The following RAB2A variants were observed in gnomAD, a reference collection of about 807,000 sequenced individuals.
RAB2A encodes RAB2A, member RAS oncogene family, also known as ras-related protein Rab-2A.
A neutral mutation model predicts 32.5 loss-of-function variants in RAB2A; 7 were observed. The ratio of observed to expected loss-of-function variants is 0.22; its 90% CI spans 0.12 to 0.40. The LOEUF (loss-of-function observed/expected upper bound fraction) is 0.40. Ranked by LOEUF, RAB2A falls within the 10% of genes least tolerant of loss-of-function variation. RAB2A has a pLI of 1.00. For synonymous variants in RAB2A, 79 were observed against 85.2 expected (o/e 0.93, Z 0.40); for missense variants, 108 against 260.7 (o/e 0.41, Z 4.03).
At chr8:60,558,621 A>G (rs973934120) in intron 1 of RAB2A, 2 of 556,236 alleles carry the variant, frequency 3.6e-6, no homozygotes, top group South Asian at 1.8e-5. Context: ...TATCTTTCAC[A>G]TTGAAATATT....
intron 1 of RAB2A, 37 bp downstream of exon 1, chr8:60,517,290 G>A (rs982865480): frequency 4.6e-5 from 67 of 1,471,580 alleles, no homozygotes; most frequent in Non-Finnish European, 5.6e-5. Context: ...GGTGTCGGCG[G>A]CCTCCGGACC....
intron 6 of RAB2A, among the ~76,000 whole-genome samples, chr8:60,617,331 C>T (rs1014227403): frequency 3.3e-5 from 5 of 152,072 alleles, no homozygotes; most frequent in African/African-American, 7.2e-5. Flanking sequence ...CTCTCTTTAT[C>T]GTAAGCGTCC....
rs553351295 is a variant in RAB2A, at chr8:60,569,716, T to C, written c.119-2330T>C. ...TTCATGGAGACTGGGTCTCCCTACG[T>C]TGTCCAGGCTAGTTTCAAATTCCTA... is the stretch of plus-strand genomic sequence containing the variant. On this transcript the variant is annotated intron_variant, in intron 2 of 7. Transcript: ENST00000262646. Among the ~76,000 whole-genome samples, 9 of 152,268 alleles carry C rather than the reference T, an allele frequency of 5.9e-5. No homozygotes were observed. In the East Asian group the frequency reaches 1.7e-3, roughly 29 times the overall value.
intron 1 of RAB2A, among the ~76,000 whole-genome samples, chr8:60,517,516 A>C (rs1397335498): frequency 2.0e-5 from 3 of 152,156 alleles, no homozygotes; most frequent in African/African-American, 7.2e-5. Flanking sequence ...CGATTCAGGA[A>C]GTGTGTGACA....
intron 1 of RAB2A, among the ~76,000 whole-genome samples, chr8:60,533,890 A>G (rs1807517699): frequency 6.6e-6 from 1 of 152,086 alleles, no homozygotes. Flanking sequence ...GAATCGCTTG[A>G]AGGCGGAGGT....
rs141368391 is a variant in RAB2A at position 60,601,399 on chromosome 8, A to G, written c.474+9430A>G. 7.2e-5 allele frequency among the ~76,000 whole-genome samples: 11 copies of G among 151,848 alleles called. No individual in the cohort carries two copies. In the East Asian group the frequency reaches 2.1e-3, roughly 29 times the overall value. On this transcript the variant is annotated intron_variant, in intron 6 of 7. Transcript: ENST00000262646. ...CTCACCCAGTTGGGAATGCATTGGC[A>G]CAATCTCAACTCGCTGCAACCTTCA...
At position 60,622,180 on chromosome 8, in the gene RAB2A, G is replaced by A. The variant is rs994377644; in HGVS notation, c.*1411G>A. On this transcript the variant is annotated 3_prime_UTR_variant, in exon 8 of 8. Coordinates refer to ENST00000262646, the MANE Select transcript of RAB2A (RefSeq NM_002865.3). Reference sequence around the variant, plus strand: ...TACTGAAATTATTTTTGTTGATGGTGTAAGCAGTGTAAGCAAGTGTTTTCT... The same window carrying A: ...TACTGAAATTATTTTTGTTGATGGTATAAGCAGTGTAAGCAAGTGTTTTCT... 1 of 152,188 alleles carries A rather than the reference G, an allele frequency of 6.6e-6. No individual in the cohort carries two copies. Among genetic ancestry groups the A allele is most frequent in the African/African-American group, 2.4e-5 (1 of 41,436 alleles). 9.4% of individuals were successfully genotyped at this position (152,188 alleles called of 1,614,324 possible). A position where few individuals can be genotyped will look rare whatever the true frequency, so the allele number is the denominator to read the frequency against.
At chr8:60,586,925 G>A (rs1803860118) in intron 5 of RAB2A, among the ~76,000 whole-genome samples, 1 of 137,536 alleles carries the variant, frequency 7.3e-6, no homozygotes, top group South Asian at 2.3e-4. Flanking sequence ...GCAAGACTCT[G>A]TCTCCAAGAA....
intron 2 of RAB2A, among the ~76,000 whole-genome samples, chr8:60,567,070 A>G (rs1352280012): frequency 6.6e-6 from 1 of 151,980 alleles, no homozygotes; most frequent in Non-Finnish European, 1.5e-5. Context: ...GTAAGCAAGC[A>G]AGCCTGTTTG....
At chr8:60,547,906 G>T (rs1173398823) in intron 1 of RAB2A, among the ~76,000 whole-genome samples, 2 of 115,844 alleles carry the variant, frequency 1.7e-5, no homozygotes, top group African/African-American at 3.6e-5. Flanking sequence ...CCTCCCGGAC[G>T]GGGCGGCTGG....
intron 1 of RAB2A, among the ~76,000 whole-genome samples, chr8:60,527,224 CA>C (rs755113836): frequency 5.9e-5 from 9 of 152,120 alleles, no homozygotes; most frequent in Non-Finnish European, 1.2e-4. Flanking sequence ...CTGAGAACAG[CA>C]AGGGGAGGAA....
chr8:60,523,028 T>C (rs1342542089), intron 1 of RAB2A, among the ~76,000 whole-genome samples: 1 of 152,154 alleles, frequency 6.6e-6, no homozygotes, highest in African/African-American at 2.4e-5. Context: ...AGTTCAGAGG[T>C]AGAAAAATTC....
intron 5 of RAB2A, among the ~76,000 whole-genome samples, chr8:60,586,197 A>G (rs905597268): frequency 6.6e-6 from 1 of 152,112 alleles, no homozygotes; most frequent in African/African-American, 2.4e-5. Context: ...GCTACTCAGG[A>G]GGCTGAGGTG....
intron 1 of RAB2A, among the ~76,000 whole-genome samples, chr8:60,520,586 A>G (rs1291756249): frequency 6.6e-6 from 1 of 152,090 alleles, no homozygotes; most frequent in Non-Finnish European, 1.5e-5. Context: ...GTTCTTCCCT[A>G]TCAAAAAAAG....
At chr8:60,549,018 GT>G (rs1807798526) in intron 1 of RAB2A, among the ~76,000 whole-genome samples, 1 of 149,806 alleles carries the variant, frequency 6.7e-6, no homozygotes, top group Non-Finnish European at 1.5e-5. Flanking sequence ...CAGGGCAGAG[GT>G]GCTCCCCACA....
At chr8:60,590,974 G>C (rs1803933424) in intron 5 of RAB2A, among the ~76,000 whole-genome samples, 1 of 152,008 alleles carries the variant, frequency 6.6e-6, no homozygotes, top group African/African-American at 2.4e-5. Context: ...TGGTGATTCT[G>C]CTGTTGCTGA....
intron 1 of RAB2A, among the ~76,000 whole-genome samples, chr8:60,551,442 T>C (rs138366449): frequency 1.3e-5 from 2 of 152,340 alleles, no homozygotes; most frequent in Non-Finnish European, 2.9e-5. Context: ...GAATTCTTTT[T>C]TGAAACTTTA....
intron 2 of RAB2A, among the ~76,000 whole-genome samples, chr8:60,564,452 A>G (rs1808073756): frequency 6.6e-6 from 1 of 152,060 alleles, no homozygotes; most frequent in Non-Finnish European, 1.5e-5. Context: ...CTTTTCTCTC[A>G]TATTAGCAAA....
intron 5 of RAB2A, among the ~76,000 whole-genome samples, chr8:60,590,149 C>T (rs547053443): frequency 1.1e-4 from 16 of 151,996 alleles, no homozygotes; most frequent in Middle Eastern, 3.4e-3. Context: ...TTTGTAGAGA[C>T]GGGGTTTCAC....
Sources: gnomAD v4.1 joint callset for allele counts (sites outside exome capture counted in the v4.1 genomes callset) on GRCh38, gnomAD v4.1.1 for gene constraint, MANE v1.5 for transcripts, NCBI Gene and HGNC (gene_info 2026-07-23, HGNC 2026-07-21) for gene names.